Variants in DNAH2 observed in about 807,000 individuals in gnomAD.
DNAH2 encodes axonemal beta dynein heavy chain 2.
DNAH2 carries 323 observed loss-of-function variants against 523.5 expected under a neutral mutation model. The ratio of observed to expected loss-of-function variants is 0.62; its 90% confidence interval spans 0.56 to 0.68. The LOEUF is 0.68. DNAH2 is among the 30% of genes least tolerant of loss of function. DNAH2 has a pLI of 0.00. For synonymous variants in DNAH2, 2,093 were observed against 2,177.4 expected (o/e 0.96, Z 1.08); for missense variants, 4,907 against 5,701.5 (o/e 0.86, Z 4.49).
At chr17:7,729,277 G>C (rs1025872245) in intron 4 of DNAH2, among the ~76,000 whole-genome samples, 6 of 152,022 alleles carry the variant, frequency 3.9e-5, no homozygotes, top group Middle Eastern at 3.4e-3. Flanking sequence ...GAGAAAGACA[G>C]GCCTGTGCCT....
chr17:7,741,571 G>A (rs1274043310), intron 11 of DNAH2, among the ~76,000 whole-genome samples: 1 of 151,924 alleles, frequency 6.6e-6, no homozygotes, highest in African/African-American at 2.4e-5. Context: ...TGTTAGCCAG[G>A]ATGGTCTGAG....
intron 30 of DNAH2, 146 bp downstream of exon 30, chr17:7,775,488 C>A: frequency 4.3e-6 from 3 of 697,412 alleles, no homozygotes; most frequent in Non-Finnish European, 7.1e-6. Context: ...GAGTTTGAGA[C>A]CAGCCTGACC....
At chr17:7,809,914 C>T (rs2077463599) in intron 63 of DNAH2, among the ~76,000 whole-genome samples, 1 of 151,742 alleles carries the variant, frequency 6.6e-6, no homozygotes, top group Non-Finnish European at 1.5e-5. Context: ...GTTGCCCAGG[C>T]TGGTCTTGGT....
chr17:7,804,490 C>G, intron 59 of DNAH2, 24 bp downstream of exon 59: 1 of 1,609,418 alleles, frequency 6.2e-7, no homozygotes. Context: ...GCCCACCCCC[C>G]GTGCCCCACT....
At chr17:7,770,963 C>T (rs1269410743) in intron 27 of DNAH2, 30 bp downstream of exon 27, 2 of 1,604,018 alleles carry the variant, frequency 1.2e-6, no homozygotes, top group Middle Eastern at 2.0e-4. Context: ...GCTCTTCCTG[C>T]TTCCTGCTCT....
intron 69 of DNAH2, 91 bp from the exon 70 acceptor site, chr17:7,818,552 G>A: frequency 6.2e-7 from 1 of 1,602,148 alleles, no homozygotes; most frequent in East Asian, 2.2e-5. Flanking sequence ...TTGGGCAGCT[G>A]AGGATGAGGG....
Position 7,832,585 on chromosome 17 carries a change from C to T in DNAH2, c.12733C>T (p.Pro4245Ser), listed in dbSNP as rs762793223. 1.2e-6 allele frequency: 2 copies of T among 1,613,916 alleles called. No homozygotes were observed. Among genetic ancestry groups the T allele is most frequent in the Non-Finnish European group, 1.7e-6 (2 of 1,179,944 alleles). The change falls in exon 83 of 86, where the codon CCC becomes TCC. Residue 4245 changes from proline to serine, a missense_variant. Physicochemically the swap from Pro to Ser is moderately conservative, Grantham distance 74. This residue lies in a region of DNAH2 where 1,851 missense variants were observed against 2,139.4 expected (regional missense o/e 0.87). Coordinates refer to ENST00000572933, the MANE Select transcript of DNAH2 (RefSeq NM_020877.5). The surrounding 1 kb of genome is among the most constrained non-coding windows in gnomAD (Gnocchi z 4.3). ...ACACGCACTCCTTCCCCAGGCATAC[C>T]CCTCACAAAAGCCATTGGCTGCCTG... ...HVPPLWGKAY[P>S]SQKPLAAWTR... is the part of the protein sequence containing the mutation.
chr17:7,763,693 A>G, intron 18 of DNAH2, 138 bp from the exon 19 acceptor site: 1 of 936,758 alleles, frequency 1.1e-6, no homozygotes. Context: ...GGAATGAGGG[A>G]TGCCTGGGAG....
At position 7,823,993 on chromosome 17, in the gene DNAH2, C is replaced by T. The variant is rs373332747; in HGVS notation, c.11478+11C>T. ...CTGAATATGAAGTCGGTCGGTGGCT[C>T]GGCTTCCTTGTCCCCACGGCCCATG... On this transcript the variant is annotated intron_variant, in intron 75 of 85. Coordinates refer to ENST00000572933, the MANE Select transcript of DNAH2 (RefSeq NM_020877.5). 9.9e-6 allele frequency: 16 copies of T among 1,609,760 alleles called. No individual in the cohort carries two copies. The highest frequency in any genetic ancestry group is 1.6e-4 in the Middle Eastern group (1 of 6,070).
rs1355768879 is a variant in DNAH2, at chr17:7,778,446, C to T, written c.5518C>T (p.Arg1840Ter). ...SEGLDYKSMG[R>*]MYSGLAQTGA... Reference sequence around the variant, plus strand: ...GGGCCTGGACTACAAGTCCATGGGCCGAATGTACTCAGGTCTGGCCCAGGT... The same window carrying T: ...GGGCCTGGACTACAAGTCCATGGGCTGAATGTACTCAGGTCTGGCCCAGGT... The change falls in exon 35 of 86, where the codon CGA becomes TGA. Residue 1840 changes from arginine to a stop codon, truncating the protein, a stop_gained. Transcript: ENST00000572933. LOFTEE classifies it high-confidence loss of function. The T allele has an allele frequency of 6.2e-6, 10 of 1,613,938 alleles. No individual in the cohort carries two copies. The highest frequency in any genetic ancestry group is 3.3e-5 in the South Asian group (3 of 91,078).
Position 7,823,636 on chromosome 17 carries a change from G to T in DNAH2, c.11329+8G>T. On this transcript the variant is annotated splice_region_variant and intron_variant, in intron 74 of 85. Transcript: ENST00000572933. The stretch of plus-strand genomic sequence containing the variant: ...AGAAGGCGATGCTGCCAGGTACCAG[G>T]CGTCTGTGTCCCACTCTCACTTTTC... 1 of 1,613,058 alleles carries T rather than the reference G, an allele frequency of 6.2e-7. No homozygotes were observed. Among genetic ancestry groups the T allele is most frequent in the East Asian group, 2.2e-5 (1 of 44,884 alleles).
intron 44 of DNAH2, 67 bp from the exon 45 acceptor site, chr17:7,791,850 C>T: frequency 2.0e-6 from 3 of 1,494,308 alleles, no homozygotes; most frequent in East Asian, 2.3e-5. Context: ...TCTGGTGTCA[C>T]GAGTCTGCCA....
chr17:7,791,147 C>T (rs899653509), intron 44 of DNAH2, among the ~76,000 whole-genome samples: 1 of 151,876 alleles, frequency 6.6e-6, no homozygotes, highest in Non-Finnish European at 1.5e-5. Flanking sequence ...CATCTCGGCT[C>T]ACTGCAACCT....
chr17:7,786,278 G>T lies in DNAH2; in HGVS notation c.6284G>T (p.Arg2095Leu), dbSNP rs747856822. Residue 2095 changes from arginine to leucine, a missense_variant, in exon 40 of 86, where the codon CGC becomes CTC. Coordinates refer to ENST00000572933, the MANE Select transcript of DNAH2 (RefSeq NM_020877.5). This position sits in a 1 kb window ranked among gnomAD's most constrained non-coding sequence, Gnocchi z 7.5. ...GGCAGCGGCAAGACTGCCTCATGGC[G>T]CATTCTACAGGCCTCCCTGTCCTCT... ...CTGSGKTASW[R>L]ILQASLSSLC... The T allele has an allele frequency of 1.2e-6, 2 of 1,613,920 alleles. No homozygotes were observed. The highest frequency in any genetic ancestry group is 1.1e-5 in the South Asian group (1 of 91,074).
intron 12 of DNAH2, among the ~76,000 whole-genome samples, chr17:7,750,746 G>A (rs978048498): frequency 2.0e-5 from 3 of 152,118 alleles, no homozygotes; most frequent in East Asian, 1.9e-4. Flanking sequence ...TACCACATAC[G>A]TTAGTGGAGA....
chr17:7,721,374 A>G (rs2074600304), intron 2 of DNAH2, among the ~76,000 whole-genome samples: 2 of 151,786 alleles, frequency 1.3e-5, no homozygotes, highest in African/African-American at 4.8e-5. Flanking sequence ...GGGTTTCACC[A>G]TGTTGCCCAG....
At position 7,814,185 on chromosome 17, in the gene DNAH2, CAAAAAAA is replaced by C. The variant is rs59214536; in HGVS notation, c.9730-2373_9730-2367del. On this transcript the variant is annotated intron_variant, in intron 63 of 85. Coordinates refer to ENST00000572933, the MANE Select transcript of DNAH2 (RefSeq NM_020877.5). ...TTATGTAAATATATTCACTATTCTC[CAAAAAAA>C]AAAAAAAAAAAACAGATAGTAAAAA... is the stretch of plus-strand genomic sequence containing the variant. Among the ~76,000 whole-genome samples the C allele has an allele frequency of 3.9e-5, 4 of 101,462 alleles. No homozygotes were observed. In the East Asian group the frequency reaches 1.4e-3, roughly 35 times the overall value. The allele number at this position is 101,462 out of a possible 152,430, so 66.6% of individuals were successfully genotyped here. A position where few individuals can be genotyped will look rare whatever the true frequency, so the allele number is the denominator to read the frequency against.
chr17:7,740,522 C>T lies in DNAH2; in HGVS notation c.1479C>T (p.Asp493=). 1 of 1,614,080 alleles carries T rather than the reference C, an allele frequency of 6.2e-7. No homozygotes were observed. Among genetic ancestry groups the T allele is most frequent in the Non-Finnish European group, 8.5e-7 (1 of 1,180,024 alleles). Reference sequence around the variant, plus strand: ...TGCCGCACGGCGTGCTTCTGCTGGACACCTTCCACAGGCTTGCCTCCCGCG... The same window carrying T: ...TGCCGCACGGCGTGCTTCTGCTGGATACCTTCCACAGGCTTGCCTCCCGCG... The part of the protein sequence containing the change: ...RDVPHGVLLL[D]TFHRLASREA... The change falls in exon 10 of 86, where the codon GAC becomes GAT. Residue 493 remains aspartate, a synonymous_variant. Coordinates refer to ENST00000572933, the MANE Select transcript of DNAH2 (RefSeq NM_020877.5).
At chr17:7,759,344 T>G in intron 15 of DNAH2, 78 bp from the exon 16 acceptor site, 1 of 1,530,272 alleles carries the variant, frequency 6.5e-7, no homozygotes, top group South Asian at 1.3e-5. Context: ...TTTCCTTCCC[T>G]GTTGGCTGGT....
Sources: allele counts gnomAD v4.1 joint callset (sites outside exome capture counted in the v4.1 genomes callset), GRCh38; gene constraint gnomAD v4.1.1; regional missense constraint gnomAD v4.1.1; non-coding constraint Gnocchi (gnomAD v3.1); transcripts MANE v1.5; gene names NCBI Gene and HGNC (gene_info 2026-07-23, HGNC 2026-07-21).